Variants in FGGY observed in about 807,000 individuals in gnomAD.
FGGY encodes the protein FGGY carbohydrate kinase domain containing, also known as FGGY carbohydrate kinase domain-containing protein.
In FGGY, 72 loss-of-function variants were observed where a neutral mutation model predicts 71.3. The ratio of observed to expected loss-of-function variants is 1.01; its 90% CI spans 0.84 to 1.23. FGGY has a LOEUF of 1.23. FGGY is among the 50% of genes most tolerant of loss of function. The pLI is 0.00. For missense variants in FGGY, 668 were observed against 682.3 expected (o/e 0.98, Z 0.23); for synonymous variants, 251 against 250.3 (o/e 1.00, Z -0.02).
At chr1:59,762,276 T>C (rs1030187057) in intron 15 of FGGY, among the ~76,000 whole-genome samples, 1 of 152,110 alleles carries the variant, frequency 6.6e-6, no homozygotes, top group Non-Finnish European at 1.5e-5. Flanking sequence ...TTTTAAGAGA[T>C]GGGGTTTAAA....
chr1:59,478,499 T>C (rs998490000), intron 6 of FGGY, among the ~76,000 whole-genome samples: 9 of 152,238 alleles, frequency 5.9e-5, no homozygotes, highest in African/African-American at 2.2e-4. Flanking sequence ...ACATAGCATG[T>C]AGAAATATGT....
intron 8 of FGGY, among the ~76,000 whole-genome samples, chr1:59,564,961 C>G (rs2095851254): frequency 6.6e-6 from 1 of 152,114 alleles, no homozygotes; most frequent in Non-Finnish European, 1.5e-5. Context: ...GTAAGTTCTT[C>G]CTCTAGAAGT....
intron 9 of FGGY, among the ~76,000 whole-genome samples, chr1:59,617,007 T>C (rs2096762400): frequency 6.6e-6 from 1 of 152,188 alleles, no homozygotes; most frequent in African/African-American, 2.4e-5. Context: ...TTCTTGTTTA[T>C]TCTCTTGTAA....
intron 2 of FGGY, among the ~76,000 whole-genome samples, chr1:59,326,394 G>C (rs1261943439): frequency 3.3e-5 from 5 of 152,286 alleles, no homozygotes; most frequent in African/African-American, 1.2e-4. Flanking sequence ...CCACATGTCG[G>C]GTTGAGCAAT....
At chr1:59,338,207 A>C (rs1182131818) in intron 2 of FGGY, among the ~76,000 whole-genome samples, 1 of 152,186 alleles carries the variant, frequency 6.6e-6, no homozygotes, top group African/African-American at 2.4e-5. Flanking sequence ...TGGTATATAA[A>C]GGAAAGTTTT....
intron 5 of FGGY, among the ~76,000 whole-genome samples, chr1:59,424,567 T>C (rs1425647412): frequency 1.3e-5 from 2 of 151,878 alleles, no homozygotes; most frequent in African/African-American, 2.4e-5. Context: ...ATAAATAAAA[T>C]AAAAGAATGA....
intron 7 of FGGY, among the ~76,000 whole-genome samples, chr1:59,545,026 T>G (rs115788875): frequency 1.5e-3 from 235 of 152,336 alleles, no homozygotes; most frequent in African/African-American, 5.5e-3. Context: ...CCATCCAAAC[T>G]AGGTCAGGGG....
intron 7 of FGGY, among the ~76,000 whole-genome samples, chr1:59,536,109 A>G (rs1329165402): frequency 2.0e-5 from 3 of 151,592 alleles, no homozygotes; most frequent in Non-Finnish European, 4.4e-5. Flanking sequence ...GAAAAAAATA[A>G]GAATCAAATA....
chr1:59,583,244 T>C lies in FGGY; in HGVS notation c.904-24559T>C, dbSNP rs1046663682. Among the ~76,000 whole-genome samples the C allele has an allele frequency of 5.6e-5, 8 of 143,556 alleles. 2 individuals carry two copies. The highest frequency in any genetic ancestry group is 2.2e-4 in the African/African-American group (8 of 36,702). The allele number at this position is 143,556 out of a possible 152,430, so 94.2% of individuals were successfully genotyped here. A position where few individuals can be genotyped will look rare whatever the true frequency, so the allele number is the denominator to read the frequency against. Reference sequence around the variant, plus strand: ...AAAGCTTCAATGAATGAAGTTCTCTTCGGCCCATCATCCTGCAAGAAACTG... The same window carrying C: ...AAAGCTTCAATGAATGAAGTTCTCTCCGGCCCATCATCCTGCAAGAAACTG... On this transcript the variant is annotated intron_variant, in intron 8 of 15. Coordinates refer to ENST00000303721, the MANE Select transcript of FGGY (RefSeq NM_018291.5).
At chr1:59,663,768 G>A (rs2097299024) in intron 12 of FGGY, among the ~76,000 whole-genome samples, 1 of 151,770 alleles carries the variant, frequency 6.6e-6, no homozygotes, top group Non-Finnish European at 1.5e-5. Flanking sequence ...TGATCTTTTA[G>A]GCAAAAAAAT....
chr1:59,512,170 A>G, intron 6 of FGGY, 141 bp from the exon 7 acceptor site: 1 of 806,670 alleles, frequency 1.2e-6, no homozygotes, highest in Non-Finnish European at 1.8e-6. Context: ...GAGCAAAGGG[A>G]CTCTTGATGA....
At chr1:59,503,793 C>T (rs1055634864) in intron 6 of FGGY, among the ~76,000 whole-genome samples, 2 of 151,394 alleles carry the variant, frequency 1.3e-5, no homozygotes, top group Non-Finnish European at 2.9e-5. Flanking sequence ...TAGGTTTTTG[C>T]CCATGATTCC....
intron 4 of FGGY, among the ~76,000 whole-genome samples, chr1:59,355,730 C>G (rs1448853163): frequency 1.3e-5 from 2 of 151,940 alleles, no homozygotes; most frequent in Non-Finnish European, 2.9e-5. Flanking sequence ...CAAAGCTACA[C>G]AATAGTAGGT....
chr1:59,625,693 C>T (rs2096850285), intron 9 of FGGY, among the ~76,000 whole-genome samples: 2 of 152,046 alleles, frequency 1.3e-5, no homozygotes, highest in Admixed American at 1.3e-4. Context: ...CCTTCCTTCT[C>T]ATTCTTGGGC....
At chr1:59,495,541 A>G (rs1403504162) in intron 6 of FGGY, among the ~76,000 whole-genome samples, 1 of 150,910 alleles carries the variant, frequency 6.6e-6, no homozygotes, top group African/African-American at 2.4e-5. Context: ...TGATTTTTAT[A>G]TATGGTATAC....
chr1:59,335,409 T>C (rs1488211823), intron 2 of FGGY, among the ~76,000 whole-genome samples: 2 of 152,244 alleles, frequency 1.3e-5, no homozygotes, highest in African/African-American at 2.4e-5. Context: ...CTGAGTAGTA[T>C]TCTGTTATAT....
chr1:59,298,203 C>T (rs1208939737), intron 1 of FGGY, among the ~76,000 whole-genome samples: 2 of 152,160 alleles, frequency 1.3e-5, no homozygotes, highest in East Asian at 1.9e-4. Flanking sequence ...AGATGACTGC[C>T]GCTTGGTCTT....
chr1:59,698,445 C>T (rs184867990), intron 14 of FGGY, among the ~76,000 whole-genome samples: 56 of 152,198 alleles, frequency 3.7e-4, no homozygotes, highest in African/African-American at 1.3e-3. Context: ...CCCTCCAACC[C>T]CCACACCCCC....
chr1:59,611,469 A>G (rs995133095), intron 9 of FGGY, among the ~76,000 whole-genome samples: 1 of 152,218 alleles, frequency 6.6e-6, no homozygotes, highest in Admixed American at 6.5e-5. Flanking sequence ...TAACAAACAG[A>G]AAGGACATCC....
Sources: gnomAD v4.1 joint callset for allele counts (sites outside exome capture counted in the v4.1 genomes callset) on GRCh38, gnomAD v4.1.1 for gene constraint, MANE v1.5 for transcripts, NCBI Gene and HGNC (gene_info 2026-07-23, HGNC 2026-07-21) for gene names.